The following EBF1 variants were observed in gnomAD, a reference collection of about 807,000 sequenced individuals.
The protein encoded by EBF1 is transcription factor COE1.
A neutral mutation model predicts 68.4 loss-of-function variants in EBF1; 10 were observed. The ratio of observed to expected loss-of-function variants is 0.15; its 90% CI spans 0.09 to 0.25. The LOEUF is 0.25. EBF1 is among the 10% of genes least tolerant of loss of function. The pLI is 1.00. For missense variants in EBF1, 509 were observed against 794.4 expected (o/e 0.64, Z 4.32); for synonymous variants, 298 against 299.8 (o/e 0.99, Z 0.06).
chr5:158,974,071 T>C (rs1036753164), intron 6 of EBF1, among the ~76,000 whole-genome samples: 1 of 152,226 alleles, frequency 6.6e-6, no homozygotes, highest in Non-Finnish European at 1.5e-5. Flanking sequence ...TAGGTCTGCA[T>C]GCTCCCCAAG....
At chr5:158,969,724 G>A (rs1052557065) in intron 6 of EBF1, among the ~76,000 whole-genome samples, 1 of 151,334 alleles carries the variant, frequency 6.6e-6, no homozygotes, top group African/African-American at 2.4e-5. Flanking sequence ...GCAGTGAGCT[G>A]TAATCGTGCC....
chr5:158,837,131 C>A (rs1788984387), intron 7 of EBF1, among the ~76,000 whole-genome samples: 2 of 152,200 alleles, frequency 1.3e-5, no homozygotes, highest in African/African-American at 2.4e-5. Flanking sequence ...TGCCTCTCCT[C>A]TCTCCACCAG....
At chr5:158,708,662 C>G (rs1216574076) in intron 14 of EBF1, among the ~76,000 whole-genome samples, 1 of 152,130 alleles carries the variant, frequency 6.6e-6, no homozygotes, top group Non-Finnish European at 1.5e-5. Flanking sequence ...GAAGGGAAAT[C>G]AGAGAAGACT....
At chr5:158,888,969 AT>A (rs1375210732) in intron 6 of EBF1, among the ~76,000 whole-genome samples, 1 of 152,150 alleles carries the variant, frequency 6.6e-6, no homozygotes, top group African/African-American at 2.4e-5. Flanking sequence ...ATGTTGAATA[AT>A]TCTCTTCCTT....
At chr5:159,071,926 A>G (rs1484353237) in intron 6 of EBF1, among the ~76,000 whole-genome samples, 1 of 152,182 alleles carries the variant, frequency 6.6e-6, no homozygotes, top group Non-Finnish European at 1.5e-5. Flanking sequence ...AAAATAACAA[A>G]TGATATTTTG....
chr5:158,800,650 GAT>G (rs1199270928), intron 8 of EBF1, among the ~76,000 whole-genome samples: 2 of 152,112 alleles, frequency 1.3e-5, no homozygotes, highest in African/African-American at 4.8e-5. Flanking sequence ...CCTCATTTTG[GAT>G]ATGTTTTCTC....
chr5:158,775,625 C>T (rs1274510611), intron 10 of EBF1, among the ~76,000 whole-genome samples: 5 of 151,956 alleles, frequency 3.3e-5, no homozygotes. Context: ...TTCCAGAACA[C>T]CGAGTTCAGT....
intron 6 of EBF1, among the ~76,000 whole-genome samples, chr5:158,870,129 G>A (rs1796632171): frequency 6.6e-6 from 1 of 152,112 alleles, no homozygotes; most frequent in African/African-American, 2.4e-5. Context: ...ACAGAAGTGT[G>A]CATGCCCTCC....
chr5:159,000,141 C>T (rs145086939), intron 6 of EBF1, among the ~76,000 whole-genome samples: 1 of 152,294 alleles, frequency 6.6e-6, no homozygotes, highest in Non-Finnish European at 1.5e-5. Context: ...ACTCACTAAT[C>T]ATTGTATTCT....
intron 6 of EBF1, among the ~76,000 whole-genome samples, chr5:158,940,138 C>G (rs1028450992): frequency 6.6e-6 from 1 of 152,182 alleles, no homozygotes; most frequent in African/African-American, 2.4e-5. Flanking sequence ...AGCAGAATCA[C>G]CAGCTGCAGC....
At chr5:158,948,950 G>A (rs1815418327) in intron 6 of EBF1, among the ~76,000 whole-genome samples, 1 of 151,808 alleles carries the variant, frequency 6.6e-6, no homozygotes, top group South Asian at 2.1e-4. Flanking sequence ...GCCCTTAATT[G>A]TACTCTGGAG....
chr5:158,833,306 A>G (rs1788015319), intron 7 of EBF1, among the ~76,000 whole-genome samples: 1 of 152,036 alleles, frequency 6.6e-6, no homozygotes, highest in African/African-American at 2.4e-5. Context: ...TCAAAAAAAA[A>G]AAAAAAGAAA....
rs1755950637 is a variant in EBF1 at position 158,697,510 on chromosome 5, GAAGGAA to G, written c.*1595_*1600del. ...TACACAATAAAATAAATTGGGGGTG[GAAGGAA>G]GAGGAAGAAGGGAAAAGCAATGTAC... On this transcript the variant is annotated 3_prime_UTR_variant, in exon 16 of 16. Coordinates refer to ENST00000313708, the MANE Select transcript of EBF1 (RefSeq NM_024007.5). 1 of 209,506 alleles carries G rather than the reference GAAGGAA, an allele frequency of 4.8e-6. No individual in the cohort carries two copies. Among genetic ancestry groups the G allele is most frequent in the African/African-American group, 2.3e-5 (1 of 43,954 alleles). 13.0% of individuals were successfully genotyped at this position (209,506 alleles called of 1,614,324 possible). A position where few individuals can be genotyped will look rare whatever the true frequency, so the allele number is the denominator to read the frequency against.
intron 6 of EBF1, among the ~76,000 whole-genome samples, chr5:158,849,382 C>T (rs555448024): frequency 2.0e-5 from 3 of 152,310 alleles, no homozygotes; most frequent in African/African-American, 7.2e-5. Flanking sequence ...CTCCCTGGAT[C>T]TGAAATGCCT....
At chr5:158,733,358 CA>C (rs1252316348) in intron 10 of EBF1, among the ~76,000 whole-genome samples, 1 of 152,110 alleles carries the variant, frequency 6.6e-6, no homozygotes, top group African/African-American at 2.4e-5. Flanking sequence ...ATTGTTGCCC[CA>C]CCACTTCAAT....
chr5:158,934,583 G>A (rs11747537), intron 6 of EBF1, among the ~76,000 whole-genome samples: 41 of 152,296 alleles, frequency 2.7e-4, no homozygotes, highest in Non-Finnish European at 5.0e-4. Flanking sequence ...CCTTGCAATG[G>A]GCAGTGTTGA....
rs11745589 is a variant in EBF1, at chr5:159,001,266, A to C, written c.554+72130T>G. 1.0e-3 allele frequency among the ~76,000 whole-genome samples: 157 copies of C among 152,044 alleles called. 1 individual carries two copies. The highest frequency in any genetic ancestry group is 8.1e-3 in the South Asian group (39 of 4,822). ...TTATTTTTAAATGAGTAAGAAAGAA[A>C]TTTTTTTTAATTTCTCATTTTAATT... is the stretch of plus-strand genomic sequence containing the variant. On this transcript the variant is annotated intron_variant, in intron 6 of 15. Coordinates refer to ENST00000313708, the MANE Select transcript of EBF1 (RefSeq NM_024007.5).
chr5:158,820,875 G>A (rs1784680271), intron 8 of EBF1, among the ~76,000 whole-genome samples: 1 of 152,096 alleles, frequency 6.6e-6, no homozygotes, highest in Non-Finnish European at 1.5e-5. Context: ...TTGATCCAGA[G>A]GTCTCAAACT....
intron 6 of EBF1, among the ~76,000 whole-genome samples, chr5:158,852,341 T>C (rs1483967408): frequency 6.6e-6 from 1 of 152,158 alleles, no homozygotes; most frequent in Non-Finnish European, 1.5e-5. Flanking sequence ...TTTCCCATCA[T>C]ACCCTCCCTT....
Sources: gnomAD v4.1 joint callset for allele counts (sites outside exome capture counted in the v4.1 genomes callset) on GRCh38, gnomAD v4.1.1 for gene constraint, MANE v1.5 for transcripts, NCBI Gene and HGNC (gene_info 2026-07-23, HGNC 2026-07-21) for gene names.